WWOX: variants seen among roughly 807,000 people sequenced by gnomAD.
WWOX encodes the protein WW domain containing oxidoreductase.
Under a neutral mutation model 46.2 loss-of-function variants are expected in WWOX, and 69 were observed. That is an observed-to-expected ratio of 1.49 (90% CI 1.23 to 1.82). WWOX has a LOEUF of 1.82. WWOX is among the 40% of genes most tolerant of loss of function. The probability of loss-of-function intolerance (pLI) is 0.00; values close to 1 mark genes in which losing one functional copy is unlikely to be tolerated. For missense variants in WWOX, 919 were observed against 542.6 expected, an observed-to-expected ratio of 1.69 and a Z score of -6.89; for synonymous variants, 359 against 202.6, an observed-to-expected ratio of 1.77 and a Z score of -6.56.
At chr16:78,511,617 A>C (rs1170874632) in intron 8 of WWOX, among the ~76,000 whole-genome samples, 1 of 152,206 alleles carries the variant, frequency 6.6e-6, no homozygotes, top group Non-Finnish European at 1.5e-5. Flanking sequence ...TGAGTACTGC[A>C]TTCAGACAGA....
intron 8 of WWOX, among the ~76,000 whole-genome samples, chr16:79,189,239 A>G (rs16949846): frequency 0.075 from 11,394 of 151,980 alleles, 474 homozygotes; most frequent in East Asian, 0.18. Flanking sequence ...ATCTATTAGG[A>G]AAGCCTATTT....
intron 8 of WWOX, among the ~76,000 whole-genome samples, chr16:78,788,969 C>A (rs1463799164): frequency 6.6e-6 from 1 of 152,168 alleles, no homozygotes; most frequent in Non-Finnish European, 1.5e-5. Flanking sequence ...AAACTAGACC[C>A]TTATCATATA....
At chr16:79,115,950 C>G (rs2049507405) in intron 8 of WWOX, among the ~76,000 whole-genome samples, 1 of 152,170 alleles carries the variant, frequency 6.6e-6, no homozygotes, top group Admixed American at 6.5e-5. Context: ...CAGACCACCA[C>G]AATAAAGCAA....
chr16:78,522,403 G>T (rs1304752389), intron 8 of WWOX, among the ~76,000 whole-genome samples: 1 of 152,164 alleles, frequency 6.6e-6, no homozygotes, highest in African/African-American at 2.4e-5. Flanking sequence ...TGTGTACACG[G>T]TTCTGGAAGC....
intron 8 of WWOX, among the ~76,000 whole-genome samples, chr16:79,009,739 C>T (rs138611066): frequency 1.2e-4 from 18 of 152,252 alleles, no homozygotes; most frequent in Admixed American, 6.5e-4. Flanking sequence ...GTGTGAGCCA[C>T]CGCTCCTGGC....
At chr16:78,285,738 C>T (rs1329886870) in intron 5 of WWOX, among the ~76,000 whole-genome samples, 1 of 152,264 alleles carries the variant, frequency 6.6e-6, no homozygotes, top group Non-Finnish European at 1.5e-5. Flanking sequence ...AACCTTTGCG[C>T]CTAAATAGCT....
intron 8 of WWOX, among the ~76,000 whole-genome samples, chr16:78,693,169 G>T (rs867892519): frequency 6.6e-6 from 1 of 152,052 alleles, no homozygotes; most frequent in East Asian, 1.9e-4. Context: ...GCAATTATTT[G>T]CCCATCTCTT....
chr16:78,827,785 G>C (rs1031111668), intron 8 of WWOX, among the ~76,000 whole-genome samples: 3 of 152,306 alleles, frequency 2.0e-5, no homozygotes, highest in Middle Eastern at 3.4e-3. Context: ...CGGTTGCAGT[G>C]AGCCGAGATG....
At chr16:79,103,641 C>G (rs548117924) in intron 8 of WWOX, among the ~76,000 whole-genome samples, 1 of 152,122 alleles carries the variant, frequency 6.6e-6, no homozygotes, top group African/African-American at 2.4e-5. Context: ...CTTAACAAAT[C>G]CAGTAACATT....
intron 8 of WWOX, among the ~76,000 whole-genome samples, chr16:79,130,705 C>T (rs1243907741): frequency 6.6e-6 from 1 of 152,218 alleles, no homozygotes; most frequent in South Asian, 2.1e-4. Context: ...TAATGAAGTG[C>T]TGCGGTACTG....
chr16:79,121,344 C>T (rs1041764851), intron 8 of WWOX, among the ~76,000 whole-genome samples: 5 of 152,152 alleles, frequency 3.3e-5, no homozygotes, highest in Admixed American at 3.3e-4. Context: ...CAGTCAGTAC[C>T]AGCTGCTGTG....
intron 8 of WWOX, among the ~76,000 whole-genome samples, chr16:78,837,191 A>T (rs972412218): frequency 6.6e-6 from 1 of 152,348 alleles, no homozygotes; most frequent in African/African-American, 2.4e-5. Context: ...GGCTTTTATT[A>T]TAACTGCTAG....
intron 8 of WWOX, among the ~76,000 whole-genome samples, chr16:78,729,585 G>A (rs2048918465): frequency 6.6e-6 from 1 of 152,050 alleles, no homozygotes; most frequent in Non-Finnish European, 1.5e-5. Flanking sequence ...TCAGGTGCTG[G>A]AAGAGATACT....
At position 78,559,045 on chromosome 16, in the gene WWOX, C is replaced by G. The variant is rs1458866527; in HGVS notation, c.1056+126293C>G. On this transcript the variant is annotated intron_variant, in intron 8 of 8. Transcript: ENST00000566780. ...ACGGCATCCACACAAGATCTGGCCG[C>G]TACGTGGAAGGACACATAGTTCCGT... Among the ~76,000 whole-genome samples the G allele has an allele frequency of 3.3e-5, 5 of 152,304 alleles. 1 individual carries two copies. The highest frequency in any genetic ancestry group is 2.6e-4 in the Admixed American group (4 of 15,308).
chr16:78,736,220 C>T (rs181402163), intron 8 of WWOX, among the ~76,000 whole-genome samples: 1 of 152,170 alleles, frequency 6.6e-6, no homozygotes, highest in Admixed American at 6.5e-5. Context: ...AAAATCACAC[C>T]TCAAACTTGA....
chr16:78,846,747 T>G (rs1265628867), intron 8 of WWOX, among the ~76,000 whole-genome samples: 1 of 152,208 alleles, frequency 6.6e-6, no homozygotes, highest in African/African-American at 2.4e-5. Context: ...GGACTACTTC[T>G]CAAATTTTCA....
intron 8 of WWOX, among the ~76,000 whole-genome samples, chr16:78,986,262 G>A (rs2046782487): frequency 6.6e-6 from 1 of 152,180 alleles, no homozygotes; most frequent in Non-Finnish European, 1.5e-5. Context: ...TAGTTAATCA[G>A]TTTTACAAAG....
At chr16:78,475,649 G>A (rs1360837523) in intron 8 of WWOX, among the ~76,000 whole-genome samples, 1 of 152,054 alleles carries the variant, frequency 6.6e-6, no homozygotes, top group Non-Finnish European at 1.5e-5. Context: ...AGGCTGGAGT[G>A]CAGTGACATG....
chr16:78,173,951 G>C (rs969609647), intron 5 of WWOX, among the ~76,000 whole-genome samples: 1 of 150,082 alleles, frequency 6.7e-6, no homozygotes, highest in Non-Finnish European at 1.5e-5. Flanking sequence ...GGAGAGCTGA[G>C]AGGAATTGAG....
Sources: allele counts gnomAD v4.1 joint callset (sites outside exome capture counted in the v4.1 genomes callset), GRCh38; gene constraint gnomAD v4.1.1; transcripts MANE v1.5; gene names NCBI Gene and HGNC (gene_info 2026-07-23, HGNC 2026-07-21).